The following CDC25C variants were observed in gnomAD, a reference collection of about 807,000 sequenced individuals.
CDC25C encodes cell division cycle 25C.
A neutral mutation model predicts 52.5 loss-of-function variants in CDC25C; 48 were observed. That is an observed-to-expected ratio of 0.91 (90% CI 0.72 to 1.16). The LOEUF (loss-of-function observed/expected upper bound fraction) is 1.16. Among genes scored for constraint, CDC25C ranks in the 50% most tolerant of loss-of-function variants. The probability of loss-of-function intolerance (pLI) is 0.00; values close to 1 mark genes in which losing one functional copy is unlikely to be tolerated. For synonymous variants in CDC25C, 187 were observed against 206.5 expected, an observed-to-expected ratio of 0.91 and a Z score of 0.81; for missense variants, 510 against 566.1, an observed-to-expected ratio of 0.90 and a Z score of 1.01.
At position 138,286,161 on chromosome 5, in the gene CDC25C, G is replaced by T. The variant is rs750976863; in HGVS notation, c.1161-28C>A. The T allele has an allele frequency of 1.3e-5, 20 of 1,548,274 alleles. 1 individual carries two copies. The South Asian group carries it at 1.7e-4, about 13-fold the overall frequency. On this transcript the variant is annotated intron_variant, in intron 12 of 13. Coordinates refer to ENST00000323760, the MANE Select transcript of CDC25C (RefSeq NM_001790.5). The stretch of plus-strand genomic sequence containing the variant: ...TTAGAGAGAACCCAGAGATGGGTGG[G>T]GTGGAAAGAAACAAGGTCAGGATCC...
At chr5:138,302,635 G>A (rs1035336132) in intron 7 of CDC25C, among the ~76,000 whole-genome samples, 15 of 151,838 alleles carry the variant, frequency 9.9e-5, no homozygotes, top group Admixed American at 2.0e-4. Context: ...GGAGGCGGAG[G>A]TTGTGGTGAG....
At chr5:138,337,825 G>A (rs1760818124) in intron 1 of CDC25C, 2 of 495,228 alleles carry the variant, frequency 4.0e-6, no homozygotes, top group Non-Finnish European at 6.8e-6. Context: ...TCGAAGAGGT[G>A]GTCGTGGAGG....
In CDC25C at chr5:138,299,273, A is replaced by G. The variant is rs187087267; in HGVS notation, c.616-7157T>C. On this transcript the variant is annotated intron_variant, in intron 7 of 13. Coordinates refer to ENST00000323760, the MANE Select transcript of CDC25C (RefSeq NM_001790.5). Reference sequence around the variant, plus strand: ...CACTCTGGGAGGCTGAGGCGGGAGGACCACTTAAGGTCAGGAGTTCGAGAC... The same window carrying G: ...CACTCTGGGAGGCTGAGGCGGGAGGGCCACTTAAGGTCAGGAGTTCGAGAC... 4.1e-3 allele frequency among the ~76,000 whole-genome samples: 619 copies of G among 150,616 alleles called. 4 individuals are homozygous for G. Among genetic ancestry groups the G allele is most frequent in the African/African-American group, 0.014 (571 of 41,058 alleles).
chr5:138,329,174 A>G (rs1395470935), intron 3 of CDC25C, among the ~76,000 whole-genome samples: 1 of 152,146 alleles, frequency 6.6e-6, no homozygotes, highest in Non-Finnish European at 1.5e-5. Context: ...AAGTGCTGGG[A>G]TTACAGGCAT....
intron 7 of CDC25C, among the ~76,000 whole-genome samples, chr5:138,307,095 C>T (rs1197260911): frequency 2.6e-5 from 4 of 152,030 alleles, no homozygotes; most frequent in Admixed American, 6.6e-5. Flanking sequence ...CTGCCTGCCT[C>T]GGCCTCCCAA....
intron 7 of CDC25C, among the ~76,000 whole-genome samples, chr5:138,311,967 T>A (rs1048513723): frequency 2.6e-5 from 4 of 152,122 alleles, no homozygotes; most frequent in Admixed American, 2.0e-4. Context: ...ACATCCCTAA[T>A]CATTAGGGAA....
intron 6 of CDC25C, among the ~76,000 whole-genome samples, chr5:138,320,322 C>A (rs1196452773): frequency 1.3e-5 from 2 of 151,396 alleles, no homozygotes; most frequent in Admixed American, 1.3e-4. Flanking sequence ...AAAAAATACA[C>A]AAAATAAAAT....
intron 3 of CDC25C, 168 bp from the exon 4 acceptor site, chr5:138,328,697 C>T (rs1184198338): frequency 3.5e-6 from 2 of 572,850 alleles, no homozygotes; most frequent in Non-Finnish European, 6.3e-6. Context: ...GGTACAATTT[C>T]ACAGAAACGT....
At chr5:138,330,382 C>A (rs1760265871) in intron 2 of CDC25C, among the ~76,000 whole-genome samples, 1 of 152,118 alleles carries the variant, frequency 6.6e-6, no homozygotes, top group Non-Finnish European at 1.5e-5. Context: ...ACTGCAATAA[C>A]ACTAATATTA....
chr5:138,331,897 C>T (rs535487499), upstream of CDC25C: 8 of 985,646 alleles, frequency 8.1e-6, no homozygotes, highest in Admixed American at 4.9e-4. Flanking sequence ...AATCTCCGCG[C>T]GCGCGCCCAG....
At chr5:138,337,990 G>A (rs1391195260) in exon 1 of CDC25C, 2 of 1,289,496 alleles carry the variant, frequency 1.6e-6, no homozygotes, top group Non-Finnish European at 2.0e-6. Context: ...CGGGTTTCAA[G>A]ATGTGCCTCC....
exon 1 of CDC25C, chr5:138,338,154 A>C (rs747317530): frequency 1.6e-6 from 2 of 1,289,628 alleles, no homozygotes; most frequent in Non-Finnish European, 2.0e-6. Flanking sequence ...TGCGCCCTCC[A>C]TGGGTGGCTT....
chr5:138,334,283 C>G (rs1760580037), upstream of CDC25C, among the ~76,000 whole-genome samples: 1 of 152,060 alleles, frequency 6.6e-6, no homozygotes, highest in African/African-American at 2.4e-5. Flanking sequence ...GTCCCAGCTA[C>G]TTGGGAGGAT....
rs956667206 is a variant in CDC25C at position 138,328,889 on chromosome 5, A to G, written c.290-360T>C. 2.2e-5 allele frequency: 4 copies of G among 183,318 alleles called. No individual in the cohort carries two copies. In the Admixed American group the frequency reaches 2.3e-4, roughly 10 times the overall value. The allele number at this position is 183,318 out of a possible 1,614,324, so 11.4% of individuals were successfully genotyped here. ...TTTTGGAATATTTCATATAAAACAT[A>G]TAAAAATTAGTTGACAACATATTTC... On this transcript the variant is annotated intron_variant, in intron 3 of 13. Transcript: ENST00000323760.
At chr5:138,337,886 C>A in intron 1 of CDC25C, 1 of 1,150,782 alleles carries the variant, frequency 8.7e-7, no homozygotes, top group Non-Finnish European at 1.1e-6. Context: ...CGTGACGCGG[C>A]CCGAACCGAG....
chr5:138,328,416 C>G lies in CDC25C; in HGVS notation c.335+68G>C, dbSNP rs1045828511. On this transcript the variant is annotated intron_variant, in intron 4 of 13. Coordinates refer to ENST00000323760, the MANE Select transcript of CDC25C (RefSeq NM_001790.5). Reference sequence around the variant, plus strand: ...GGTTTTGTACTCTGCAGAGTCTGCACAGGATAAAATCTCTATGACCAGTGC... The same window carrying G: ...GGTTTTGTACTCTGCAGAGTCTGCAGAGGATAAAATCTCTATGACCAGTGC... The G allele has an allele frequency of 8.4e-6, 12 of 1,428,490 alleles. No homozygotes were observed. The Admixed American group carries it at 2.0e-4, about 24-fold the overall frequency. 88.5% of individuals were successfully genotyped at this position (1,428,490 alleles called of 1,614,324 possible).
chr5:138,289,165 C>G (rs1418644051), intron 10 of CDC25C, among the ~76,000 whole-genome samples: 1 of 152,024 alleles, frequency 6.6e-6, no homozygotes, highest in Non-Finnish European at 1.5e-5. Flanking sequence ...TGGGGTTTCG[C>G]CATGTTGGCC....
chr5:138,335,626 A>G (rs1760644231), upstream of CDC25C: 1 of 152,258 alleles, frequency 6.6e-6, no homozygotes, highest in African/African-American at 2.4e-5. Flanking sequence ...GGACATGAGT[A>G]AAAAATCCTT....
chr5:138,296,174 G>A, intron 7 of CDC25C, among the ~76,000 whole-genome samples: 1 of 152,064 alleles, frequency 6.6e-6, no homozygotes, highest in East Asian at 1.9e-4. Context: ...CTTCCGTTAA[G>A]TTAGCTACTC....
Sources: gnomAD v4.1 joint callset for allele counts (sites outside exome capture counted in the v4.1 genomes callset) on GRCh38, gnomAD v4.1.1 for gene constraint, MANE v1.5 for transcripts, NCBI Gene and HGNC (gene_info 2026-07-23, HGNC 2026-07-21) for gene names.